SGCD: variants seen among roughly 807,000 people sequenced by gnomAD.
SGCD encodes delta-sarcoglycan.
A neutral mutation model predicts 36.6 loss-of-function variants in SGCD; 18 were observed. The observed-to-expected ratio is 0.49, with a 90% confidence interval of 0.34 to 0.73. SGCD has a LOEUF of 0.73. Among genes scored for constraint, SGCD ranks in the 30% least tolerant of loss-of-function variants. The pLI is 0.01. For synonymous variants in SGCD, 133 were observed against 130.6 expected (o/e 1.02, Z -0.12); for missense variants, 387 against 346.7 (o/e 1.12, Z -0.92).
Position 156,390,120 on chromosome 5 carries a change from T to C in SGCD, c.192+45443T>C, listed in dbSNP as rs571162386. Among the ~76,000 whole-genome samples, 37 of 152,296 alleles carry C rather than the reference T, an allele frequency of 2.4e-4. No individual in the cohort carries two copies. In the South Asian group the frequency reaches 7.1e-3, roughly 29 times the overall value. On this transcript the variant is annotated intron_variant, in intron 3 of 8. Transcript: ENST00000337851. ...GTATAGCACATACAATTATGTATGG[T>C]ACATAATACATGATAATGATAAGAA...
At chr5:156,644,518 T>C (rs145527810) in intron 6 of SGCD, among the ~76,000 whole-genome samples, 172 of 152,236 alleles carry the variant, frequency 1.1e-3, no homozygotes, top group African/African-American at 3.9e-3. Context: ...TTAAATGCAG[T>C]TTAAATTGGA....
chr5:156,609,771 T>C (rs988358189), intron 6 of SGCD, among the ~76,000 whole-genome samples: 3 of 152,210 alleles, frequency 2.0e-5, no homozygotes, highest in Non-Finnish European at 2.9e-5. Flanking sequence ...TCTAAACTTC[T>C]CTTCTCACTT....
intron 4 of SGCD, among the ~76,000 whole-genome samples, chr5:156,583,754 A>G (rs1182029747): frequency 6.6e-6 from 1 of 152,250 alleles, no homozygotes; most frequent in Non-Finnish European, 1.5e-5. Flanking sequence ...ACAAGAATAG[A>G]TAAATAGACA....
At chr5:156,246,847 A>G (rs1765452766) in intron 3 of SGCD, among the ~76,000 whole-genome samples, 1 of 152,182 alleles carries the variant, frequency 6.6e-6, no homozygotes, top group South Asian at 2.1e-4. Context: ...CATACAATCC[A>G]CAGATATCAC....
At chr5:156,105,694 A>G (rs1341280740) in intron 1 of SGCD, among the ~76,000 whole-genome samples, 1 of 152,138 alleles carries the variant, frequency 6.6e-6, no homozygotes, top group Non-Finnish European at 1.5e-5. Context: ...AGCACCATTT[A>G]TATATTTTAA....
intron 8 of SGCD, 200 bp downstream of exon 8, chr5:156,757,904 T>G: frequency 7.6e-7 from 1 of 1,324,212 alleles, no homozygotes; most frequent in Non-Finnish European, 9.7e-7. Context: ...TTCTTATTTG[T>G]AAAATGCAGA....
intron 4 of SGCD, among the ~76,000 whole-genome samples, chr5:156,587,605 G>T (rs925388280): frequency 1.3e-5 from 2 of 152,170 alleles, no homozygotes; most frequent in Non-Finnish European, 2.9e-5. Context: ...TGACTGGACT[G>T]GGCTGGCCAA....
chr5:156,371,813 G>T (rs1359083588), intron 3 of SGCD, among the ~76,000 whole-genome samples: 1 of 152,198 alleles, frequency 6.6e-6, no homozygotes, highest in Non-Finnish European at 1.5e-5. Flanking sequence ...TAATCTCCAT[G>T]CCTTTGGGCC....
chr5:156,430,135 C>G (rs6556610), intron 3 of SGCD, among the ~76,000 whole-genome samples: 109,977 of 152,018 alleles, frequency 0.72, 40,180 homozygotes, highest in Middle Eastern at 0.91. Flanking sequence ...GATTTCTCTT[C>G]CTCAGGAACA....
At chr5:156,741,560 A>G (rs1330506052) in intron 7 of SGCD, among the ~76,000 whole-genome samples, 1 of 149,630 alleles carries the variant, frequency 6.7e-6, no homozygotes, top group South Asian at 2.1e-4. Context: ...AGCTTCGTAA[A>G]CCTGGGAGAG....
chr5:156,390,587 G>T (rs917515637), intron 3 of SGCD, among the ~76,000 whole-genome samples: 2 of 152,062 alleles, frequency 1.3e-5, no homozygotes, highest in Non-Finnish European at 2.9e-5. Context: ...AAGATCAGCC[G>T]GGTGTGGTGG....
chr5:156,277,767 GC>G (rs1407997169), intron 3 of SGCD, among the ~76,000 whole-genome samples: 1 of 152,134 alleles, frequency 6.6e-6, no homozygotes, highest in East Asian at 1.9e-4. Context: ...TTCCCGTTAT[GC>G]TTAAGAGACT....
At chr5:155,812,007 G>A in the SGCD span, among the ~76,000 whole-genome samples, 143 of 152,290 alleles carry the variant, frequency 9.4e-4, no homozygotes, top group African/African-American at 3.2e-3. Context: ...CGGAAACACA[G>A]TCTTTCCATA....
chr5:156,692,818 C>T (rs1414178929), intron 7 of SGCD, among the ~76,000 whole-genome samples: 1 of 152,174 alleles, frequency 6.6e-6, no homozygotes, highest in African/African-American at 2.4e-5. Context: ...TAGAAATCAA[C>T]TGCATTGTAA....
At chr5:156,751,133 A>T (rs1757135444) in intron 7 of SGCD, among the ~76,000 whole-genome samples, 1 of 152,238 alleles carries the variant, frequency 6.6e-6, no homozygotes, top group Admixed American at 6.5e-5. Context: ...GTAAGCTACA[A>T]TATTTAATTA....
Position 155,998,999 on chromosome 5 carries a change from C to T in SGCD, c.-281-118879C>T, listed in dbSNP as rs190492741. On this transcript the variant is annotated intron_variant, in intron 1 of 9. Transcript: ENST00000517913. Reference sequence around the variant, plus strand: ...CAGGGAAACCCAAATCAATCCTACACATAGAAATGTGATTTCTCTGCTTTT... The same window carrying T: ...CAGGGAAACCCAAATCAATCCTACATATAGAAATGTGATTTCTCTGCTTTT... 3.3e-3 allele frequency among the ~76,000 whole-genome samples: 509 copies of T among 152,314 alleles called. 4 individuals are homozygous for T. Among genetic ancestry groups the T allele is most frequent in the African/African-American group, 0.011 (459 of 41,576 alleles).
At position 156,070,420 on chromosome 5, in the gene SGCD, T is replaced by C. The variant is rs182182986; in HGVS notation, c.-281-47458T>C. 5.6e-3 allele frequency among the ~76,000 whole-genome samples: 841 copies of C among 151,526 alleles called. 14 individuals carry two copies. The highest frequency in any genetic ancestry group is 0.02 in the African/African-American group (799 of 40,782). On this transcript the variant is annotated intron_variant, in intron 1 of 9. Transcript: ENST00000517913. Reference sequence around the variant, plus strand: ...GTTTTTGTCTTTGGTTCTGTTTATATGCTGGATTACATTTATTGATTTGTG... The same window carrying C: ...GTTTTTGTCTTTGGTTCTGTTTATACGCTGGATTACATTTATTGATTTGTG...
At chr5:156,694,202 C>G (rs994330272) in intron 7 of SGCD, among the ~76,000 whole-genome samples, 63 of 152,324 alleles carry the variant, frequency 4.1e-4, no homozygotes, top group African/African-American at 1.5e-3. Flanking sequence ...GGCGTCTAAA[C>G]TGCAGAACTC....
chr5:156,423,326 TTTATTATA>T lies in SGCD; in HGVS notation c.192+78650_192+78657del, dbSNP rs1561685665. On this transcript the variant is annotated intron_variant, in intron 3 of 8. Coordinates refer to ENST00000337851, the MANE Select transcript of SGCD (RefSeq NM_000337.6). ...TATATTTTATTATAATATAATATAT[TTTATTATA>T]ATATAATATATTATAATTTTATTAT... Among the ~76,000 whole-genome samples, 479 of 63,808 alleles carry T rather than the reference TTTATTATA, an allele frequency of 7.5e-3. 10 individuals are homozygous for T. The highest frequency in any genetic ancestry group is 0.047 in the African/African-American group (456 of 9,774). The allele number at this position is 63,808 out of a possible 152,430, so 41.9% of individuals were successfully genotyped here.
Sources: gnomAD v4.1 joint callset for allele counts (sites outside exome capture counted in the v4.1 genomes callset) on GRCh38, gnomAD v4.1.1 for gene constraint, MANE v1.5 for transcripts, NCBI Gene and HGNC (gene_info 2026-07-23, HGNC 2026-07-21) for gene names.